DRGX: variants seen among roughly 807,000 people sequenced by gnomAD.
The protein encoded by DRGX is dorsal root ganglia homeobox.
A neutral mutation model predicts 28.6 loss-of-function variants in DRGX; 21 were observed. That is an observed-to-expected ratio of 0.73 (90% CI 0.52 to 1.06). DRGX has a LOEUF of 1.06. Among genes scored for constraint, DRGX ranks in the 50% least tolerant of loss-of-function variants. DRGX has a pLI of 0.00. For missense variants in DRGX, 354 were observed against 343.9 expected, an observed-to-expected ratio of 1.03 and a Z score of -0.23; for synonymous variants, 136 against 139.1, an observed-to-expected ratio of 0.98 and a Z score of 0.16.
intron 6 of DRGX, among the ~76,000 whole-genome samples, chr10:49,368,193 G>C (rs1303483008): frequency 6.6e-6 from 1 of 152,212 alleles, no homozygotes; most frequent in African/African-American, 2.4e-5. Context: ...CTCCAGGTAA[G>C]AAAACTGAGG....
chr10:49,380,769 G>A (rs953500457), intron 6 of DRGX, among the ~76,000 whole-genome samples: 1 of 152,218 alleles, frequency 6.6e-6, no homozygotes, highest in Non-Finnish European at 1.5e-5. Flanking sequence ...AAATGGGAGA[G>A]GTTTTGGAGA....
At chr10:49,367,590 T>C (rs1849614326) in intron 6 of DRGX, among the ~76,000 whole-genome samples, 2 of 152,142 alleles carry the variant, frequency 1.3e-5, no homozygotes, top group Non-Finnish European at 2.9e-5. Flanking sequence ...AGGGAACCAA[T>C]TTGGAAAGTG....
At chr10:49,386,095 G>A (rs889199035) in intron 6 of DRGX, among the ~76,000 whole-genome samples, 3 of 151,968 alleles carry the variant, frequency 2.0e-5, no homozygotes, top group African/African-American at 4.8e-5. Flanking sequence ...TGGCCCAGTC[G>A]CATGCATGGA....
At position 49,395,317 on chromosome 10, in the gene DRGX, G is replaced by T. The variant is rs1849955214; in HGVS notation, c.34+90C>A. ...GCGGCTGCGCCCCCCGCAGGGCGGG[G>T]ACCCAGCCACCCACCAGCCCTGCTG... On this transcript the variant is annotated intron_variant, in intron 2 of 6. Coordinates refer to ENST00000374139, the MANE Select transcript of DRGX (RefSeq NM_001276451.2). 5 of 1,496,978 alleles carry T rather than the reference G, an allele frequency of 3.3e-6. No homozygotes were observed. In the South Asian group the frequency reaches 6.0e-5, roughly 18 times the overall value. 92.7% of individuals were successfully genotyped at this position (1,496,978 alleles called of 1,614,324 possible).
chr10:49,367,491 G>C (rs536982563), intron 6 of DRGX, among the ~76,000 whole-genome samples: 1 of 152,270 alleles, frequency 6.6e-6, no homozygotes, highest in East Asian at 1.9e-4. Flanking sequence ...TGAGCTGCTT[G>C]GACCTAACCA....
At chr10:49,379,617 G>A (rs1181100038) in intron 6 of DRGX, among the ~76,000 whole-genome samples, 2 of 152,116 alleles carry the variant, frequency 1.3e-5, no homozygotes. Flanking sequence ...GAAGTCCAAG[G>A]GCAAAGACCA....
At chr10:49,385,434 T>C (rs899438312) in intron 6 of DRGX, among the ~76,000 whole-genome samples, 2 of 152,018 alleles carry the variant, frequency 1.3e-5, no homozygotes, top group African/African-American at 4.8e-5. Context: ...GGCACCCTCC[T>C]CGCCCCTGGA....
intron 3 of DRGX, 32 bp downstream of exon 3, chr10:49,391,132 C>A: frequency 6.2e-7 from 1 of 1,608,160 alleles, no homozygotes; most frequent in Non-Finnish European, 8.5e-7. Context: ...TAGGAAGTAG[C>A]TGATGTTTGA....
chr10:49,394,534 C>T (rs1450328288), intron 2 of DRGX, among the ~76,000 whole-genome samples: 1 of 152,208 alleles, frequency 6.6e-6, no homozygotes, highest in Non-Finnish European at 1.5e-5. Flanking sequence ...GCAGAAGGCC[C>T]CATTAAAGCC....
intron 6 of DRGX, among the ~76,000 whole-genome samples, chr10:49,375,814 G>A (rs1590363409): frequency 6.6e-6 from 1 of 152,072 alleles, no homozygotes; most frequent in African/African-American, 2.4e-5. Context: ...GCATGTTCCT[G>A]GCAGTCAGAT....
chr10:49,384,740 G>A (rs73311925), intron 6 of DRGX, among the ~76,000 whole-genome samples: 114 of 152,298 alleles, frequency 7.5e-4, no homozygotes, highest in African/African-American at 2.6e-3. Context: ...GGAGCCACAA[G>A]CCCAGTTCTG....
At chr10:49,384,927 A>C (rs1462029344) in intron 6 of DRGX, among the ~76,000 whole-genome samples, 1 of 152,152 alleles carries the variant, frequency 6.6e-6, no homozygotes, top group Non-Finnish European at 1.5e-5. Flanking sequence ...TCATTTGTAA[A>C]AGAGAAGATG....
At chr10:49,369,616 C>T (rs1184131345) in intron 6 of DRGX, among the ~76,000 whole-genome samples, 1 of 152,022 alleles carries the variant, frequency 6.6e-6, no homozygotes, top group African/African-American at 2.4e-5. Flanking sequence ...GGGAATTGTT[C>T]GCCGGTCAGA....
At chr10:49,371,031 G>A (rs562241922) in intron 6 of DRGX, among the ~76,000 whole-genome samples, 161 of 152,330 alleles carry the variant, frequency 1.1e-3, no homozygotes, top group African/African-American at 3.7e-3. Flanking sequence ...TGGGGGGATA[G>A]GAACTACAGT....
intron 6 of DRGX, among the ~76,000 whole-genome samples, chr10:49,367,036 C>A (rs1009646347): frequency 6.6e-6 from 1 of 152,108 alleles, no homozygotes; most frequent in Non-Finnish European, 1.5e-5. Context: ...GCACATAAGC[C>A]CCTTAGAAAG....
Position 49,395,529 on chromosome 10 carries a change from G to T in DRGX, c.-81-8C>A. 1 of 1,445,724 alleles carries T rather than the reference G, an allele frequency of 6.9e-7. No individual in the cohort carries two copies. 89.6% of individuals were successfully genotyped at this position (1,445,724 alleles called of 1,614,324 possible). A position where few individuals can be genotyped will look rare whatever the true frequency, so the allele number is the denominator to read the frequency against. ...CGCGTTGCTCCTGCCTGGCTGCAAA[G>T]CAAACAGCGATAGAGCTTCAAGTCT... On this transcript the variant is annotated splice_region_variant and splice_polypyrimidine_tract_variant and intron_variant, in intron 1 of 6. Coordinates refer to ENST00000374139, the MANE Select transcript of DRGX (RefSeq NM_001276451.2).
chr10:49,393,932 C>T (rs1388163220), intron 2 of DRGX, among the ~76,000 whole-genome samples: 4 of 152,194 alleles, frequency 2.6e-5, no homozygotes, highest in Admixed American at 1.3e-4. Context: ...ACATTCATGA[C>T]GTCCCCTACC....
chr10:49,380,440 T>C (rs1357708709), intron 6 of DRGX, among the ~76,000 whole-genome samples: 1 of 152,238 alleles, frequency 6.6e-6, no homozygotes, highest in African/African-American at 2.4e-5. Flanking sequence ...AATGAAATCC[T>C]GGCCATTAAG....
chr10:49,368,855 G>A (rs1379540830), intron 6 of DRGX, among the ~76,000 whole-genome samples: 1 of 152,230 alleles, frequency 6.6e-6, no homozygotes, highest in Non-Finnish European at 1.5e-5. Context: ...ATGTTAAAAA[G>A]AAGGAAGGCT....
Sources: allele counts gnomAD v4.1 joint callset (sites outside exome capture counted in the v4.1 genomes callset), GRCh38; gene constraint gnomAD v4.1.1; transcripts MANE v1.5; gene names NCBI Gene and HGNC (gene_info 2026-07-23, HGNC 2026-07-21).